Variants in GPR158 observed in about 807,000 individuals in gnomAD.
GPR158 encodes metabotropic glycine receptor.
A neutral mutation model predicts 78.2 loss-of-function variants in GPR158; 30 were observed. The observed-to-expected ratio is 0.38, with a 90% CI of 0.29 to 0.52. GPR158 has a LOEUF of 0.52. Ranked by LOEUF, GPR158 falls within the 20% of genes least tolerant of loss-of-function variation. The probability of loss-of-function intolerance (pLI) is 0.83; values close to 1 mark genes in which losing one functional copy is unlikely to be tolerated. For synonymous variants in GPR158, 581 were observed against 591.1 expected (o/e 0.98, Z 0.25); for missense variants, 1,463 against 1,523.5 (o/e 0.96, Z 0.66).
At chr10:25,204,970 T>TG (rs1853001076) in intron 1 of GPR158, among the ~76,000 whole-genome samples, 1 of 152,028 alleles carries the variant, frequency 6.6e-6, no homozygotes. Flanking sequence ...AATTGAATCA[T>TG]GGGGGTGGCT....
intron 5 of GPR158, among the ~76,000 whole-genome samples, chr10:25,529,012 G>A (rs576887159): frequency 5.9e-5 from 9 of 152,286 alleles, no homozygotes; most frequent in African/African-American, 2.2e-4. Context: ...ATTCAACAGG[G>A]AAAGTAAAGT....
At chr10:25,337,426 CTT>C (rs1192093065) in intron 2 of GPR158, among the ~76,000 whole-genome samples, 1 of 151,958 alleles carries the variant, frequency 6.6e-6, no homozygotes, top group Non-Finnish European at 1.5e-5. Flanking sequence ...TTGTGTCTGG[CTT>C]TTTTTGCGTA....
At chr10:25,290,065 CA>C (rs1432141409) in intron 2 of GPR158, among the ~76,000 whole-genome samples, 1 of 152,038 alleles carries the variant, frequency 6.6e-6, no homozygotes, top group Admixed American at 6.6e-5. Context: ...GTCACAAACA[CA>C]AAGTAACATT....
chr10:25,377,679 A>G (rs1009343213), intron 2 of GPR158, among the ~76,000 whole-genome samples: 4 of 151,884 alleles, frequency 2.6e-5, no homozygotes, highest in African/African-American at 9.7e-5. Context: ...CTTTTTTGAG[A>G]TTTATTTATG....
intron 2 of GPR158, among the ~76,000 whole-genome samples, chr10:25,281,715 G>A (rs916591391): frequency 1.1e-4 from 16 of 152,186 alleles, no homozygotes; most frequent in African/African-American, 3.1e-4. Context: ...AACATAAGAA[G>A]CTTAGAAAAG....
intron 5 of GPR158, among the ~76,000 whole-genome samples, chr10:25,527,835 G>A (rs1400315631): frequency 6.6e-6 from 1 of 152,040 alleles, no homozygotes; most frequent in Non-Finnish European, 1.5e-5. Flanking sequence ...CAAATTACCA[G>A]TATCAGGAAT....
intron 2 of GPR158, among the ~76,000 whole-genome samples, chr10:25,391,498 T>TG (rs112017541): frequency 0.64 from 98,029 of 152,030 alleles, 32,582 homozygotes; most frequent in Non-Finnish European, 0.73. Flanking sequence ...GAGATCATTT[T>TG]GAGCTTTAAG....
At chr10:25,459,406 TG>T (rs1410592355) in intron 4 of GPR158, among the ~76,000 whole-genome samples, 2 of 152,186 alleles carry the variant, frequency 1.3e-5, no homozygotes, top group Non-Finnish European at 2.9e-5. Flanking sequence ...TCATAGATGC[TG>T]GGTCCAACTA....
At chr10:25,389,784 C>T (rs912438573) in intron 2 of GPR158, among the ~76,000 whole-genome samples, 27 of 152,112 alleles carry the variant, frequency 1.8e-4, no homozygotes, top group African/African-American at 6.3e-4. Flanking sequence ...CTTTTTAGGT[C>T]TCTGTGGTTC....
chr10:25,505,487 T>C (rs996150757), intron 5 of GPR158, among the ~76,000 whole-genome samples: 2 of 152,208 alleles, frequency 1.3e-5, no homozygotes, highest in Non-Finnish European at 2.9e-5. Context: ...CTGGATTTCT[T>C]TTGCACCTTT....
At chr10:25,234,203 C>T (rs1853492385) in intron 2 of GPR158, among the ~76,000 whole-genome samples, 1 of 152,168 alleles carries the variant, frequency 6.6e-6, no homozygotes, top group African/African-American at 2.4e-5. Context: ...TGGACTCTCT[C>T]TCTCTTCCTT....
At chr10:25,194,547 TATAA>T (rs771364132) in intron 1 of GPR158, among the ~76,000 whole-genome samples, 48 of 151,922 alleles carry the variant, frequency 3.2e-4, no homozygotes, top group Non-Finnish European at 6.5e-4. Context: ...TCAAAAAATA[TATAA>T]ATAAATAAAG....
chr10:25,361,280 GT>G (rs1855635457), intron 2 of GPR158, among the ~76,000 whole-genome samples: 1 of 151,690 alleles, frequency 6.6e-6, no homozygotes, highest in African/African-American at 2.4e-5. Flanking sequence ...TCTTTTTTAA[GT>G]CTGAATAATA....
intron 2 of GPR158, among the ~76,000 whole-genome samples, chr10:25,335,446 A>G (rs931691130): frequency 6.6e-6 from 1 of 152,104 alleles, no homozygotes; most frequent in South Asian, 2.1e-4. Context: ...TTGAATCTGT[A>G]CTAAAATAGC....
At chr10:25,422,887 T>C (rs1333348916) in intron 4 of GPR158, among the ~76,000 whole-genome samples, 2 of 126,976 alleles carry the variant, frequency 1.6e-5, no homozygotes, top group Admixed American at 9.1e-5. Context: ...CCAAAGTTCA[T>C]TGTATCATTC....
intron 2 of GPR158, among the ~76,000 whole-genome samples, chr10:25,280,778 C>CTT (rs1416811468): frequency 1.1e-4 from 16 of 152,102 alleles, no homozygotes; most frequent in African/African-American, 3.1e-4. Context: ...TACCAAGAAA[C>CTT]GAATCTGAAT....
intron 2 of GPR158, among the ~76,000 whole-genome samples, chr10:25,380,515 A>T (rs1252045541): frequency 6.6e-6 from 1 of 152,022 alleles, no homozygotes; most frequent in Non-Finnish European, 1.5e-5. Context: ...AATGTATTAC[A>T]TTTTATGTGT....
chr10:25,364,102 A>G (rs1449349746), intron 2 of GPR158, among the ~76,000 whole-genome samples: 1 of 151,986 alleles, frequency 6.6e-6, no homozygotes, highest in Non-Finnish European at 1.5e-5. Flanking sequence ...AATAAGAAGT[A>G]TTATTCTTCA....
intron 6 of GPR158, among the ~76,000 whole-genome samples, chr10:25,567,790 A>C (rs1836951115): frequency 6.6e-6 from 1 of 152,158 alleles, no homozygotes; most frequent in Non-Finnish European, 1.5e-5. Context: ...GGGAAGCAAT[A>C]CGATCAGATG....
Sources: gnomAD v4.1 joint callset for allele counts (sites outside exome capture counted in the v4.1 genomes callset) on GRCh38, gnomAD v4.1.1 for gene constraint, MANE v1.5 for transcripts, NCBI Gene and HGNC (gene_info 2026-07-23, HGNC 2026-07-21) for gene names.